The following ERBB4 variants were observed in gnomAD, a reference collection of about 807,000 sequenced individuals.
ERBB4 encodes the protein erb-b2 receptor tyrosine kinase 4, also known as receptor tyrosine-protein kinase erbB-4.
ERBB4 carries 42 observed loss-of-function variants against 158.0 expected under a neutral mutation model. The ratio of observed to expected loss-of-function variants is 0.27; its 90% CI spans 0.21 to 0.34. ERBB4 has a LOEUF of 0.34. ERBB4 is among the 10% of genes least tolerant of loss of function. The probability of loss-of-function intolerance (pLI) is 1.00; values close to 1 mark genes in which losing one functional copy is unlikely to be tolerated. For synonymous variants in ERBB4, 583 were observed against 558.7 expected, an observed-to-expected ratio of 1.04 and a Z score of -0.61; for missense variants, 1,333 against 1,624.1, an observed-to-expected ratio of 0.82 and a Z score of 3.08.
intron 2 of ERBB4, among the ~76,000 whole-genome samples, chr2:211,983,257 GA>G (rs558070248): frequency 3.5e-4 from 53 of 152,236 alleles, no homozygotes; most frequent in South Asian, 2.7e-3. Context: ...GAAAGAAATG[GA>G]GTGATTTAAG....
intron 16 of ERBB4, among the ~76,000 whole-genome samples, chr2:211,652,283 C>G (rs1293151828): frequency 6.6e-6 from 1 of 152,172 alleles, no homozygotes; most frequent in East Asian, 1.9e-4. Flanking sequence ...TCTCCTTCAC[C>G]TCTTCAAACT....
intron 1 of ERBB4, among the ~76,000 whole-genome samples, chr2:212,489,805 T>C (rs1690174901): frequency 6.6e-6 from 1 of 151,658 alleles, no homozygotes; most frequent in South Asian, 2.1e-4. Flanking sequence ...CAAGTGTAAA[T>C]ATGAACTTTA....
At chr2:212,269,976 T>G (rs2085286088) in intron 1 of ERBB4, among the ~76,000 whole-genome samples, 1 of 151,794 alleles carries the variant, frequency 6.6e-6, no homozygotes, top group Admixed American at 6.6e-5. Context: ...TTGTGTGTGC[T>G]TAGTGACTAT....
At chr2:211,580,666 A>C (rs971447879) in intron 19 of ERBB4, among the ~76,000 whole-genome samples, 6 of 150,466 alleles carry the variant, frequency 4.0e-5, no homozygotes, top group African/African-American at 1.5e-4. Context: ...CCCAGAGGAA[A>C]AGAGGTCATT....
chr2:211,850,798 G>C (rs1468739866), intron 3 of ERBB4, among the ~76,000 whole-genome samples: 1 of 151,792 alleles, frequency 6.6e-6, no homozygotes, highest in Non-Finnish European at 1.5e-5. Flanking sequence ...TCTACAGACA[G>C]GTAAGACAGC....
At position 212,497,850 on chromosome 2, in the gene ERBB4, A is replaced by G. The variant is rs186724137; in HGVS notation, c.82+40599T>C. On this transcript the variant is annotated intron_variant, in intron 1 of 27. Transcript: ENST00000342788. Reference sequence around the variant, plus strand: ...GTTCATGTGCTGCTTTTCCTGCATAAAGAGTAAAAATTGAATAAGTTGTGG... The same window carrying G: ...GTTCATGTGCTGCTTTTCCTGCATAGAGAGTAAAAATTGAATAAGTTGTGG... 2.9e-4 allele frequency among the ~76,000 whole-genome samples: 44 copies of G among 152,316 alleles called. 1 individual carries two copies. The East Asian group carries it at 8.3e-3, about 29-fold the overall frequency.
intron 1 of ERBB4, among the ~76,000 whole-genome samples, chr2:212,155,547 T>C (rs1575716965): frequency 6.6e-6 from 1 of 152,122 alleles, no homozygotes; most frequent in African/African-American, 2.4e-5. Flanking sequence ...CCCATAATTC[T>C]GCATTTTAAC....
chr2:211,656,516 T>C (rs1436593097), intron 16 of ERBB4, among the ~76,000 whole-genome samples: 2 of 152,234 alleles, frequency 1.3e-5, no homozygotes, highest in African/African-American at 4.8e-5. Flanking sequence ...TTATATACAG[T>C]AAAACATACA....
At chr2:212,480,696 T>C (rs562777040) in intron 1 of ERBB4, among the ~76,000 whole-genome samples, 2 of 152,338 alleles carry the variant, frequency 1.3e-5, no homozygotes, top group Admixed American at 6.5e-5. Context: ...GTTGGCAACA[T>C]TGACACACTG....
chr2:211,693,265 G>C (rs565422905), intron 12 of ERBB4, among the ~76,000 whole-genome samples: 2 of 152,066 alleles, frequency 1.3e-5, no homozygotes, highest in Non-Finnish European at 2.9e-5. Flanking sequence ...GTATTTTGTT[G>C]AAAGTCTAAA....
At chr2:211,922,860 G>C (rs181946539) in intron 3 of ERBB4, among the ~76,000 whole-genome samples, 344 of 152,146 alleles carry the variant, frequency 2.3e-3, no homozygotes, top group Middle Eastern at 3.4e-3. Context: ...AGGGAAAAAA[G>C]ACATATGCAA....
intron 20 of ERBB4, among the ~76,000 whole-genome samples, chr2:211,491,580 C>T (rs1349972441): frequency 2.0e-5 from 3 of 151,934 alleles, no homozygotes; most frequent in Non-Finnish European, 4.4e-5. Context: ...ATTGATTGAA[C>T]ACCTACTATG....
At chr2:211,512,202 C>A (rs1163116016) in intron 20 of ERBB4, among the ~76,000 whole-genome samples, 2 of 152,124 alleles carry the variant, frequency 1.3e-5, no homozygotes, top group Non-Finnish European at 2.9e-5. Flanking sequence ...CATTTATCTT[C>A]TATTTTAGGG....
chr2:211,409,467 T>C (rs1316681013), intron 25 of ERBB4, among the ~76,000 whole-genome samples: 1 of 152,230 alleles, frequency 6.6e-6, no homozygotes, highest in East Asian at 1.9e-4. Context: ...AGGATCATTT[T>C]ATCTTCAAGT....
intron 12 of ERBB4, among the ~76,000 whole-genome samples, chr2:211,680,090 A>G (rs755980501): frequency 2.0e-5 from 3 of 152,232 alleles, no homozygotes; most frequent in Non-Finnish European, 4.4e-5. Context: ...AGCAAATTAC[A>G]GTGATTATTT....
chr2:211,771,783 C>A (rs2075698397), intron 4 of ERBB4, among the ~76,000 whole-genome samples: 1 of 152,004 alleles, frequency 6.6e-6, no homozygotes, highest in Non-Finnish European at 1.5e-5. Flanking sequence ...TCAGTTCATA[C>A]CATGCATGAG....
intron 4 of ERBB4, among the ~76,000 whole-genome samples, chr2:211,783,550 C>T (rs1043430791): frequency 1.3e-5 from 2 of 152,152 alleles, no homozygotes; most frequent in Admixed American, 6.5e-5. Flanking sequence ...CCATCAGTAC[C>T]TAATTTATTG....
intron 3 of ERBB4, among the ~76,000 whole-genome samples, chr2:211,789,881 C>T (rs1028329920): frequency 3.9e-5 from 6 of 152,018 alleles, no homozygotes; most frequent in East Asian, 1.9e-4. Context: ...ATTGCATGTA[C>T]GAAACCCTCC....
At chr2:211,864,605 G>T (rs1373431656) in intron 3 of ERBB4, among the ~76,000 whole-genome samples, 2 of 152,138 alleles carry the variant, frequency 1.3e-5, no homozygotes, top group East Asian at 1.9e-4. Flanking sequence ...CGTACCAAGA[G>T]ACTTAGAAAT....
Sources: gnomAD v4.1 joint callset for allele counts (sites outside exome capture counted in the v4.1 genomes callset) on GRCh38, gnomAD v4.1.1 for gene constraint, MANE v1.5 for transcripts, NCBI Gene and HGNC (gene_info 2026-07-23, HGNC 2026-07-21) for gene names.